Variants in FAM20A observed in about 807,000 individuals in gnomAD.
FAM20A encodes the protein FAM20A golgi associated secretory pathway pseudokinase, also known as pseudokinase FAM20A.
FAM20A carries 42 observed loss-of-function variants against 52.0 expected under a neutral mutation model. The observed-to-expected ratio is 0.81, with a 90% CI of 0.63 to 1.04. The LOEUF is 1.04. FAM20A is among the 50% of genes least tolerant of loss of function. FAM20A has a pLI of 0.00. For missense variants in FAM20A, 742 were observed against 712.7 expected (o/e 1.04, Z -0.47); for synonymous variants, 304 against 298.9 (o/e 1.02, Z -0.18).
At chr17:68,583,708 A>C (rs2088082045) in intron 1 of FAM20A, among the ~76,000 whole-genome samples, 1 of 151,952 alleles carries the variant, frequency 6.6e-6, no homozygotes, top group Admixed American at 6.6e-5. Flanking sequence ...TGAGGTCAGG[A>C]GATCGAGACA....
intron 1 of FAM20A, among the ~76,000 whole-genome samples, chr17:68,580,515 A>G (rs1448985790): frequency 6.6e-6 from 1 of 152,202 alleles, no homozygotes; most frequent in Non-Finnish European, 1.5e-5. Context: ...TCCTGACCTC[A>G]TAGAACCACA....
intron 1 of FAM20A, among the ~76,000 whole-genome samples, chr17:68,583,384 TTTG>T (rs1162441235): frequency 2.6e-5 from 4 of 152,136 alleles, no homozygotes; most frequent in African/African-American, 9.7e-5. Flanking sequence ...AAGCCCCTTC[TTTG>T]CTGTTTCTGT....
intron 1 of FAM20A, among the ~76,000 whole-genome samples, chr17:68,572,008 A>AT (rs2087568336): frequency 2.2e-5 from 1 of 45,274 alleles, no homozygotes; most frequent in Non-Finnish European, 4.9e-5. Flanking sequence ...ATATATATAT[A>AT]TATATATATA....
At chr17:68,579,782 G>A (rs757394469) in intron 1 of FAM20A, among the ~76,000 whole-genome samples, 6 of 152,124 alleles carry the variant, frequency 3.9e-5, no homozygotes, top group Non-Finnish European at 7.3e-5. Context: ...GAAAAGAGAG[G>A]AACTGGAAGA....
chr17:68,561,072 C>A (rs1030088165), intron 1 of FAM20A, among the ~76,000 whole-genome samples: 2 of 152,126 alleles, frequency 1.3e-5, no homozygotes, highest in Non-Finnish European at 2.9e-5. Context: ...ATTTTTCTCC[C>A]AGTTTGTTGT....
Position 68,542,020 on chromosome 17 carries a change from G to A in FAM20A, c.1074C>T (p.Pro358=). ...NLAPRLSVPN[P]WIRSYTLAGK... ...CTGCCAGTGTGTAGGAGCGGATCCA[G>A]GGGTTGGGCACAGACAGCCTGGGGG... Residue 358 remains proline, a synonymous_variant, in exon 7 of 11, where the codon CCC becomes CCT. Coordinates refer to ENST00000592554, the MANE Select transcript of FAM20A (RefSeq NM_017565.4). 1 of 1,614,116 alleles carries A rather than the reference G, an allele frequency of 6.2e-7. No homozygotes were observed.
At chr17:68,574,577 C>T (rs2087672888) in intron 1 of FAM20A, among the ~76,000 whole-genome samples, 1 of 152,196 alleles carries the variant, frequency 6.6e-6, no homozygotes, top group African/African-American at 2.4e-5. Context: ...AGCATTCAAA[C>T]CGTAACATCA....
At chr17:68,581,339 C>T (rs1396236396) in intron 1 of FAM20A, among the ~76,000 whole-genome samples, 2 of 108,732 alleles carry the variant, frequency 1.8e-5, no homozygotes, top group Admixed American at 1.9e-4. Flanking sequence ...AAGGTATCTC[C>T]GAAATGCAGT....
intron 1 of FAM20A, among the ~76,000 whole-genome samples, chr17:68,559,463 G>A (rs999538993): frequency 1.3e-5 from 2 of 152,156 alleles, no homozygotes; most frequent in Non-Finnish European, 2.9e-5. Context: ...AGTCTTCATG[G>A]CTGTTGCTTT....
intron 3 of FAM20A, 116 bp downstream of exon 3, chr17:68,554,661 A>G: frequency 1.0e-6 from 1 of 968,860 alleles, no homozygotes; most frequent in African/African-American, 1.6e-5. Context: ...CTCAGAGGTT[A>G]GGCAGAGAGC....
intron 1 of FAM20A, among the ~76,000 whole-genome samples, chr17:68,596,618 T>C (rs970827906): frequency 1.3e-5 from 2 of 152,352 alleles, no homozygotes; most frequent in Middle Eastern, 3.4e-3. Context: ...TCATCACTTA[T>C]TCAAGCAAAG....
chr17:68,587,277 G>A (rs1033603220), intron 1 of FAM20A, among the ~76,000 whole-genome samples: 4 of 152,118 alleles, frequency 2.6e-5, no homozygotes, highest in African/African-American at 9.7e-5. Flanking sequence ...TCTGCCACAG[G>A]GTCTAGGCTA....
chr17:68,553,629 G>A (rs2086939314), intron 3 of FAM20A, among the ~76,000 whole-genome samples: 1 of 151,968 alleles, frequency 6.6e-6, no homozygotes, highest in Non-Finnish European at 1.5e-5. Flanking sequence ...CTCAACTCTG[G>A]CTATATTAGA....
At chr17:68,553,253 C>T (rs977650601) in intron 3 of FAM20A, among the ~76,000 whole-genome samples, 7 of 152,184 alleles carry the variant, frequency 4.6e-5, no homozygotes, top group Non-Finnish European at 8.8e-5. Flanking sequence ...TCCCCTCCCC[C>T]TTCTGCCATG....
intron 1 of FAM20A, among the ~76,000 whole-genome samples, chr17:68,589,128 ACC>A (rs2088235545): frequency 6.6e-6 from 1 of 152,164 alleles, no homozygotes; most frequent in Non-Finnish European, 1.5e-5. Flanking sequence ...GGAGGCTTCT[ACC>A]CTCTTTTGCA....
chr17:68,535,984 CTG>C lies in FAM20A; in HGVS notation c.*1491_*1492del, dbSNP rs1331225980. On this transcript the variant is annotated 3_prime_UTR_variant, in exon 11 of 11. Coordinates refer to ENST00000592554, the MANE Select transcript of FAM20A (RefSeq NM_017565.4). ...GCACATTGGAGGATGGGGGTTGTATCTGTGTTTGAGAGGATTGGAAACCTGTG... is the reference window on the plus strand; with the variant it reads ...GCACATTGGAGGATGGGGGTTGTATCTGTTTGAGAGGATTGGAAACCTGTG... 6.6e-6 allele frequency: 3 copies of C among 454,062 alleles called. No homozygotes were observed. The highest frequency in any genetic ancestry group is 6.0e-5 in the African/African-American group (3 of 50,096). The allele number at this position is 454,062 out of a possible 1,614,324, so 28.1% of individuals were successfully genotyped here. A position where few individuals can be genotyped will look rare whatever the true frequency, so the allele number is the denominator to read the frequency against.
In FAM20A at chr17:68,588,142, G is replaced by A. The variant is rs553939910; in HGVS notation, c.404+12121C>T. On this transcript the variant is annotated intron_variant, in intron 1 of 10. Coordinates refer to ENST00000592554, the MANE Select transcript of FAM20A (RefSeq NM_017565.4). The stretch of plus-strand genomic sequence containing the variant: ...GCTTTTGACGTAAAAAAAAAAAGGG[G>A]GCCCAGAAGAAGGGGAGCTCAAAGC... Among the ~76,000 whole-genome samples, 791 of 151,874 alleles carry A rather than the reference G, an allele frequency of 5.2e-3. 5 individuals carry two copies. The highest frequency in any genetic ancestry group is 9.2e-3 in the Non-Finnish European group (624 of 67,926).
intron 1 of FAM20A, among the ~76,000 whole-genome samples, chr17:68,556,585 G>C (rs76198642): frequency 6.6e-6 from 1 of 151,526 alleles, no homozygotes; most frequent in African/African-American, 2.4e-5. Context: ...GGGAGGGGGG[G>C]TGGTTTGGCT....
intron 1 of FAM20A, among the ~76,000 whole-genome samples, chr17:68,589,454 C>T (rs942528364): frequency 6.6e-6 from 1 of 152,156 alleles, no homozygotes; most frequent in Non-Finnish European, 1.5e-5. Flanking sequence ...GTACACAGGG[C>T]CTAAAAGATA....
Sources: allele counts gnomAD v4.1 joint callset (sites outside exome capture counted in the v4.1 genomes callset), GRCh38; gene constraint gnomAD v4.1.1; transcripts MANE v1.5; gene names NCBI Gene and HGNC (gene_info 2026-07-23, HGNC 2026-07-21).